The following ZNF692 variants were observed in gnomAD, a reference collection of about 807,000 sequenced individuals.
ZNF692 encodes AICAR responsive element binding protein.
A neutral mutation model predicts 49.0 loss-of-function variants in ZNF692; 41 were observed. The ratio of observed to expected loss-of-function variants is 0.84; its 90% CI spans 0.65 to 1.08. ZNF692 has a LOEUF of 1.08. Among genes scored for constraint, ZNF692 ranks in the 50% least tolerant of loss-of-function variants. The probability of loss-of-function intolerance (pLI) is 0.00; values close to 1 mark genes in which losing one functional copy is unlikely to be tolerated. For synonymous variants in ZNF692, 288 were observed against 251.5 expected, an observed-to-expected ratio of 1.15 and a Z score of -1.37; for missense variants, 662 against 662.2, an observed-to-expected ratio of 1.00 and a Z score of 0.00.
Position 248,857,865 on chromosome 1 carries a change from A to G in ZNF692, c.180-6T>C. ...CACAGCCTGAAGAAGTGTACCTGCC[A>G]GCAGGAGAAGAGGCAGGTCAGGACT... On this transcript the variant is annotated splice_region_variant and splice_polypyrimidine_tract_variant and intron_variant, in intron 2 of 11. Transcript: ENST00000306601. The G allele has an allele frequency of 1.9e-6, 3 of 1,613,858 alleles. No homozygotes were observed. The highest frequency in any genetic ancestry group is 2.5e-6 in the Non-Finnish European group (3 of 1,179,848).
intron 4 of ZNF692, 86 bp downstream of exon 4, chr1:248,857,148 T>C (rs1660334126): frequency 7.3e-7 from 1 of 1,368,308 alleles, no homozygotes; most frequent in African/African-American, 1.5e-5. Flanking sequence ...AAAAGGATCA[T>C]TTTTAGAGAA....
chr1:248,854,930 C>G (rs2103055211), intron 9 of ZNF692, among the ~76,000 whole-genome samples: 1 of 152,298 alleles, frequency 6.6e-6, no homozygotes, highest in Admixed American at 6.5e-5. Flanking sequence ...TGTGGCCCTC[C>G]CCAGCCTTGG....
chr1:248,856,801 A>G (rs1243580480), intron 4 of ZNF692, among the ~76,000 whole-genome samples: 1 of 152,114 alleles, frequency 6.6e-6, no homozygotes, highest in Non-Finnish European at 1.5e-5. Context: ...GACTTTTAAG[A>G]AGGAGGAGGA....
Position 248,850,687 on chromosome 1 carries a change from G to C in ZNF692, c.1248C>G (p.Pro416=), listed in dbSNP as rs1012436385. The change falls in exon 11 of 12, where the codon CCC becomes CCG. Residue 416 remains proline (P), a synonymous_variant. Transcript: ENST00000306601. ...IHRRIHTGEK[P]LQCEICGFTC... ...GACCCCACCCCAGCACTCACTGCAG[G>C]GGTTTTTCTCCAGTGTGGATACGTC... 3 of 1,614,052 alleles carry C rather than the reference G, an allele frequency of 1.9e-6. No individual in the cohort carries two copies. The highest frequency in any genetic ancestry group is 1.3e-5 in the African/African-American group (1 of 75,006).
intron 9 of ZNF692, chr1:248,854,266 A>G: frequency 2.0e-6 from 1 of 508,392 alleles, no homozygotes; most frequent in South Asian, 2.4e-5. Context: ...TGACCACTCA[A>G]CTCTCCTGTC....
chr1:248,851,329 C>T (rs1200787604), intron 10 of ZNF692, among the ~76,000 whole-genome samples: 1 of 152,082 alleles, frequency 6.6e-6, no homozygotes, highest in Non-Finnish European at 1.5e-5. Context: ...GCAGCCAGTC[C>T]CCTCTCCTCT....
In ZNF692 at chr1:248,854,246, C is replaced by T. The variant is rs901617088; in HGVS notation, c.1039-195G>A. 2.5e-5 allele frequency: 14 copies of T among 552,464 alleles called. No individual in the cohort carries two copies. In the Admixed American group the frequency reaches 3.4e-4, roughly 13 times the overall value. The allele number at this position is 552,464 out of a possible 1,614,324, so 34.2% of individuals were successfully genotyped here. On this transcript the variant is annotated intron_variant, in intron 9 of 11. Transcript: ENST00000306601. ...TCACCTACACCATGAGTACCACACC[C>T]ATCCCATCCTGACCACTCAACTCTC... is the stretch of plus-strand genomic sequence containing the variant.
intron 10 of ZNF692, among the ~76,000 whole-genome samples, chr1:248,851,219 G>T (rs1659547060): frequency 6.6e-6 from 1 of 152,082 alleles, no homozygotes; most frequent in Non-Finnish European, 1.5e-5. Flanking sequence ...AAGGCCCAAG[G>T]ACAGACCCTG....
At position 248,858,644 on chromosome 1, in the gene ZNF692, G is replaced by A. The variant is rs1213003810; in HGVS notation, c.-13+274C>T. 7.8e-7 allele frequency: 1 copy of A among 1,274,868 alleles called. No homozygotes were observed. Among genetic ancestry groups the A allele is most frequent in the East Asian group, 2.5e-5 (1 of 39,602 alleles). 79.0% of individuals were successfully genotyped at this position (1,274,868 alleles called of 1,614,324 possible). ...TCACGGGAAATTTCAACTGGGCTGG[G>A]GGCGGTCCACACATTTCATCTTGAA... On this transcript the variant is annotated intron_variant, in intron 1 of 11. Transcript: ENST00000306601. This position sits in a 1 kb window ranked among gnomAD's most constrained non-coding sequence, Gnocchi z 4.3.
chr1:248,850,698 C>T lies in ZNF692; in HGVS notation c.1237G>A (p.Gly413Arg), dbSNP rs748507400. 2 of 1,614,118 alleles carry T rather than the reference C, an allele frequency of 1.2e-6. No homozygotes were observed. The highest frequency in any genetic ancestry group is 2.2e-5 in the South Asian group (2 of 91,078). ...AGCACTCACTGCAGGGGTTTTTCTC[C>T]AGTGTGGATACGTCTGTGGATGACA... is the stretch of plus-strand genomic sequence containing the variant. ...NLVIHRRIHT[G>R]EKPLQCEICG... Residue 413 changes from glycine (G) to arginine (R), a missense_variant, in exon 11 of 12, where the codon GGA becomes AGA. Gly to Arg is a moderately radical substitution (Grantham distance 125, BLOSUM62 -2). Transcript: ENST00000306601.
Position 248,850,843 on chromosome 1 carries a change from C to T in ZNF692, c.1154-62G>A, listed in dbSNP as rs911031400. On this transcript the variant is annotated intron_variant, in intron 10 of 11. Transcript: ENST00000306601. ...CACCCTGTGGCCCCTCCTTGGCCCA[C>T]CCCACCCACTGTCCCTCACCAGAGT... 8 of 1,427,464 alleles carry T rather than the reference C, an allele frequency of 5.6e-6. No individual in the cohort carries two copies. The African/African-American group carries it at 1.2e-4, about 21-fold the overall frequency. The allele number at this position is 1,427,464 out of a possible 1,614,324, so 88.4% of individuals were successfully genotyped here.
Position 248,850,293 on chromosome 1 carries a change from A to G in ZNF692, c.1477T>C (p.Ser493Pro), listed in dbSNP as rs1659395360. 1.2e-6 allele frequency: 2 copies of G among 1,610,212 alleles called. No homozygotes were observed. The highest frequency in any genetic ancestry group is 2.7e-5 in the African/African-American group (2 of 74,856). The change falls in exon 12 of 12, where the codon TCT (serine) becomes CCT (proline). Residue 493 changes from serine to proline, a missense_variant. Ser to Pro is a moderately conservative substitution (Grantham distance 74, BLOSUM62 -1). Transcript: ENST00000306601. ...SGPLEPCPSISAPGPLGSSEG... is the reference protein window; with the variant it reads ...SGPLEPCPSIPAPGPLGSSEG... ...CTGGATCCCAGAGGCCCAGGGGCAG[A>G]GATGCTGGGACAGGGCTCTAGGGGA...
At position 248,858,847 on chromosome 1, in the gene ZNF692, G is replaced by C. The variant is rs1343328210; in HGVS notation, c.-13+71C>G. ...ACTTAATGCTGACAGTGAGTGGAGC[G>C]GACTAATCCCAATGGCAGTTCCCAG... On this transcript the variant is annotated intron_variant, in intron 1 of 11. Coordinates refer to ENST00000306601, the MANE Select transcript of ZNF692 (RefSeq NM_017865.4). This position sits in a 1 kb window ranked among gnomAD's most constrained non-coding sequence, Gnocchi z 4.3. The C allele has an allele frequency of 2.1e-6, 1 of 483,042 alleles. No homozygotes were observed. The highest frequency in any genetic ancestry group is 3.8e-6 in the Non-Finnish European group (1 of 262,910). 29.9% of individuals were successfully genotyped at this position (483,042 alleles called of 1,614,324 possible).
In ZNF692 at chr1:248,858,255, G is replaced by A; in HGVS notation, c.55C>T (p.Gln19Ter). 1.9e-6 allele frequency: 3 copies of A among 1,581,688 alleles called. No individual in the cohort carries two copies. Among genetic ancestry groups the A allele is most frequent in the Non-Finnish European group, 2.6e-6 (3 of 1,163,708 alleles). ...VSCRRREKRR[Q>*]LDARRSKCRI... The stretch of plus-strand genomic sequence containing the variant: ...CACTTGCTGCGGCGCGCGTCCAGCT[G>A]CCGCCGCTTCTCCCGCCGCCTGCAG... Residue 19 changes from glutamine to a stop codon, truncating the protein, a stop_gained, in exon 2 of 12, where the codon CAG (glutamine) becomes TAG (stop). Coordinates refer to ENST00000306601, the MANE Select transcript of ZNF692 (RefSeq NM_017865.4). LOFTEE classifies it high-confidence loss of function. This position sits in a 1 kb window ranked among gnomAD's most constrained non-coding sequence, Gnocchi z 4.3.
intron 3 of ZNF692, 126 bp downstream of exon 3, chr1:248,857,702 T>G: frequency 6.7e-7 from 1 of 1,498,474 alleles, no homozygotes; most frequent in African/African-American, 1.4e-5. Flanking sequence ...CAAACTACCC[T>G]GTGCTCCCCA....
rs1183332993 is a variant in ZNF692 at position 248,855,420 on chromosome 1, G to C, written c.998C>G (p.Pro333Arg). ...AKRELMPCDFPGCGRIFSNRQ... is the reference protein window; with the variant it reads ...AKRELMPCDFRGCGRIFSNRQ... ...GTTGGAGAAGATCCTTCCACAGCCAGGGAAGTCACAAGGCATCAGCTCTCT... is the reference window on the plus strand; with the variant it reads ...GTTGGAGAAGATCCTTCCACAGCCACGGAAGTCACAAGGCATCAGCTCTCT... Residue 333 changes from proline (P) to arginine (R), a missense_variant, in exon 9 of 12, where the codon CCT becomes CGT. Pro to Arg is a moderately radical substitution (Grantham distance 103). Coordinates refer to ENST00000306601, the MANE Select transcript of ZNF692 (RefSeq NM_017865.4). 3.1e-6 allele frequency: 5 copies of C among 1,614,162 alleles called. No homozygotes were observed. The highest frequency in any genetic ancestry group is 4.2e-6 in the Non-Finnish European group (5 of 1,180,032).
chr1:248,856,038 A>G, intron 6 of ZNF692, 92 bp from the exon 7 acceptor site: 1 of 1,385,062 alleles, frequency 7.2e-7, no homozygotes, highest in Non-Finnish European at 9.9e-7. Context: ...AAAAGATCTC[A>G]AACTTGAAAC....
chr1:248,856,353 A>C lies in ZNF692; in HGVS notation c.594T>G (p.Asn198Lys). The C allele has an allele frequency of 6.2e-7, 1 of 1,611,992 alleles. No homozygotes were observed. Among genetic ancestry groups the C allele is most frequent in the South Asian group, 1.1e-5 (1 of 90,754 alleles). Residue 198 changes from asparagine (N) to lysine (K), a missense_variant, in exon 6 of 12, where the codon AAT (asparagine) becomes AAG (lysine). Transcript: ENST00000306601. ...TGAGCATCTCCTCTTCATCCTCATCATTGTCCTCTTCTTCCTCACCCTCTT... is the reference window on the plus strand; with the variant it reads ...TGAGCATCTCCTCTTCATCCTCATCCTTGTCCTCTTCTTCCTCACCCTCTT... Reference protein sequence around the residue: ...GEEEGEEEEDNDEDEEEMLSD... With the variant: ...GEEEGEEEEDKDEDEEEMLSD...
chr1:248,853,167 C>G (rs1039067001), intron 10 of ZNF692, among the ~76,000 whole-genome samples: 1 of 152,190 alleles, frequency 6.6e-6, no homozygotes, highest in Non-Finnish European at 1.5e-5. Context: ...TCCATCTGCA[C>G]ACACACTGGC....
Sources: allele counts gnomAD v4.1 joint callset (sites outside exome capture counted in the v4.1 genomes callset), GRCh38; gene constraint gnomAD v4.1.1; non-coding constraint Gnocchi (gnomAD v3.1); transcripts MANE v1.5; gene names NCBI Gene and HGNC (gene_info 2026-07-23, HGNC 2026-07-21).